The following PDE4D variants were observed in gnomAD, a reference collection of about 807,000 sequenced individuals.
PDE4D encodes 3',5'-cyclic-AMP phosphodiesterase 4D.
Under a neutral mutation model 87.4 loss-of-function variants are expected in PDE4D, and 24 were observed. The observed-to-expected ratio is 0.27, with a 90% CI of 0.20 to 0.39. The LOEUF (loss-of-function observed/expected upper bound fraction) is 0.39, where lower values mean the gene tolerates loss of function less well. Ranked by LOEUF, PDE4D falls within the 10% of genes least tolerant of loss-of-function variation. PDE4D has a pLI of 1.00. For missense variants in PDE4D, 714 were observed against 1,041.0 expected (o/e 0.69, Z 4.32); for synonymous variants, 384 against 383.2 (o/e 1.00, Z -0.02).
intron 1 of PDE4D, among the ~76,000 whole-genome samples, chr5:59,767,916 T>C: frequency 6.6e-6 from 1 of 152,090 alleles, no homozygotes; most frequent in South Asian, 2.1e-4. Context: ...GGGAAATTGG[T>C]TTAAGGAATC....
intron 1 of PDE4D, among the ~76,000 whole-genome samples, chr5:60,204,282 T>A (rs1742259635): frequency 6.6e-6 from 1 of 152,212 alleles, no homozygotes; most frequent in Non-Finnish European, 1.5e-5. Context: ...TATCTATCTG[T>A]CTCTATCTGT....
At chr5:60,018,384 C>T (rs1582201684) in intron 2 of PDE4D, among the ~76,000 whole-genome samples, 1 of 152,218 alleles carries the variant, frequency 6.6e-6, no homozygotes, top group South Asian at 2.1e-4. Flanking sequence ...ACTGCAAAAC[C>T]ATACCAAAAT....
At chr5:60,269,813 T>G (rs1750626478) in intron 1 of PDE4D, among the ~76,000 whole-genome samples, 1 of 152,236 alleles carries the variant, frequency 6.6e-6, no homozygotes, top group African/African-American at 2.4e-5. Context: ...GTTTATACCA[T>G]CAGTATACAC....
At chr5:58,993,599 C>T in intron 6 of PDE4D, 134 bp from the exon 7 acceptor site, 1 of 550,354 alleles carries the variant, frequency 1.8e-6, no homozygotes, top group Admixed American at 4.0e-5. Flanking sequence ...CAGTGCCTTC[C>T]AGCAGAACTT....
chr5:59,493,096 AT>A (rs1193959042), intron 1 of PDE4D, among the ~76,000 whole-genome samples: 1 of 152,154 alleles, frequency 6.6e-6, no homozygotes, highest in Non-Finnish European at 1.5e-5. Flanking sequence ...AATTGTTTAT[AT>A]ACTTTTAAAG....
rs1167477654 is a variant in PDE4D at position 60,498,650 on chromosome 5, A to ACTGGGCTGGTATCCCAGCC, written n.70+23400_70+23401insGGCTGGGATACCAGCCCAG. Among the ~76,000 whole-genome samples, 6 of 152,258 alleles carry ACTGGGCTGGTATCCCAGCC rather than the reference A, an allele frequency of 3.9e-5. No individual in the cohort carries two copies. In the South Asian group the frequency reaches 1.0e-3, roughly 26 times the overall value. On this transcript the variant is annotated intron_variant and non_coding_transcript_variant, in intron 1 of 2. Transcript: ENST00000506510. ...CTCAAGAGAGTATGATCAAATCCAA[A>ACTGGGCTGGTATCCCAGCC]CAGCAACACTGGGCTGGTATCCAGC... is the stretch of plus-strand genomic sequence containing the variant.
intron 2 of PDE4D, among the ~76,000 whole-genome samples, chr5:60,061,179 A>C (rs2152887756): frequency 6.6e-6 from 1 of 152,174 alleles, no homozygotes; most frequent in African/African-American, 2.4e-5. Context: ...TATTTAGAAA[A>C]CCCCATTGTC....
intron 1 of PDE4D, among the ~76,000 whole-genome samples, chr5:59,321,821 G>A (rs922352357): frequency 7.9e-5 from 12 of 152,166 alleles, no homozygotes; most frequent in Non-Finnish European, 8.8e-5. Flanking sequence ...CCATGTCACC[G>A]GTCCCTCTTA....
chr5:59,173,129 C>G (rs1783283322), intron 5 of PDE4D, among the ~76,000 whole-genome samples: 1 of 152,076 alleles, frequency 6.6e-6, no homozygotes, highest in Non-Finnish European at 1.5e-5. Flanking sequence ...ACATGAGCCC[C>G]ATTTAATTAT....
chr5:59,906,568 T>A (rs1217665097), intron 3 of PDE4D, among the ~76,000 whole-genome samples: 1 of 152,200 alleles, frequency 6.6e-6, no homozygotes, highest in East Asian at 1.9e-4. Context: ...GAGTTGAGTA[T>A]GACAGAGACT....
chr5:60,193,679 A>AG (rs1419587785), intron 1 of PDE4D, among the ~76,000 whole-genome samples: 3 of 149,534 alleles, frequency 2.0e-5, no homozygotes, highest in African/African-American at 7.3e-5. Context: ...CAAAAAAAAA[A>AG]AAAAAAAAAA....
chr5:59,772,015 A>G (rs1236395884), intron 1 of PDE4D, among the ~76,000 whole-genome samples: 1 of 152,208 alleles, frequency 6.6e-6, no homozygotes, highest in East Asian at 1.9e-4. Flanking sequence ...CAAATGATAC[A>G]TGATATGCAT....
At chr5:60,266,248 G>A (rs929607183) in intron 1 of PDE4D, among the ~76,000 whole-genome samples, 13 of 152,302 alleles carry the variant, frequency 8.5e-5, no homozygotes, top group African/African-American at 2.9e-4. Flanking sequence ...TCTCTTGCAA[G>A]AAGTGCAAAC....
At chr5:60,274,223 C>G (rs991992686) in intron 1 of PDE4D, among the ~76,000 whole-genome samples, 2 of 152,140 alleles carry the variant, frequency 1.3e-5, no homozygotes, top group African/African-American at 4.8e-5. Flanking sequence ...AACATTAGTT[C>G]TAGACAATAA....
chr5:60,338,212 C>G (rs1757990454), intron 1 of PDE4D, among the ~76,000 whole-genome samples: 2 of 152,136 alleles, frequency 1.3e-5, no homozygotes, highest in African/African-American at 4.8e-5. Context: ...CAGAAACCGG[C>G]CTTGGCTAGC....
intron 1 of PDE4D, among the ~76,000 whole-genome samples, chr5:59,439,882 T>A (rs1044760701): frequency 6.6e-6 from 1 of 152,110 alleles, no homozygotes; most frequent in Non-Finnish European, 1.5e-5. Flanking sequence ...GCATGGGCAG[T>A]GGTTGGTACA....
At chr5:60,086,957 G>A (rs1774600670) in intron 2 of PDE4D, among the ~76,000 whole-genome samples, 1 of 152,236 alleles carries the variant, frequency 6.6e-6, no homozygotes, top group South Asian at 2.1e-4. Context: ...CAAATCTGTG[G>A]CTGAATTTTT....
At chr5:60,196,588 C>G (rs937588736) in intron 1 of PDE4D, among the ~76,000 whole-genome samples, 4 of 151,580 alleles carry the variant, frequency 2.6e-5, no homozygotes, top group African/African-American at 9.7e-5. Flanking sequence ...GTTTGCTGGC[C>G]TGAGGCCCAA....
chr5:59,016,629 A>C (rs1054383379), intron 6 of PDE4D, among the ~76,000 whole-genome samples: 5 of 152,062 alleles, frequency 3.3e-5, no homozygotes, highest in Non-Finnish European at 7.4e-5. Flanking sequence ...ATTCTGTTTA[A>C]CTTAGCATTT....
Sources: allele counts gnomAD v4.1 joint callset (sites outside exome capture counted in the v4.1 genomes callset), GRCh38; gene constraint gnomAD v4.1.1; transcripts MANE v1.5; gene names NCBI Gene and HGNC (gene_info 2026-07-23, HGNC 2026-07-21).